LRGUK: variants seen among roughly 807,000 people sequenced by gnomAD.
LRGUK encodes the protein leucine rich repeats and guanylate kinase domain containing, also known as leucine-rich repeat and guanylate kinase domain-containing protein.
Under a neutral mutation model 76.0 loss-of-function variants are expected in LRGUK, and 65 were observed. That is an observed-to-expected ratio of 0.85 (90% CI 0.70 to 1.05). The LOEUF (loss-of-function observed/expected upper bound fraction) is 1.05, where lower values mean the gene tolerates loss of function less well. Among genes scored for constraint, LRGUK ranks in the 50% least tolerant of loss-of-function variants. The probability of loss-of-function intolerance (pLI) is 0.00; values close to 1 mark genes in which losing one functional copy is unlikely to be tolerated. For missense variants in LRGUK, 758 were observed against 732.8 expected (o/e 1.03, Z -0.40); for synonymous variants, 268 against 265.6 (o/e 1.01, Z -0.09).
In LRGUK at chr7:134,260,595, G is replaced by C. The variant is rs1350150158; in HGVS notation, c.2347+2190G>C. ...CTTTCCTGGGTATGCATTTTCCCTG[G>C]GCTTGTGTGTGTGCTTTTTTCCCAG... On this transcript the variant is annotated intron_variant, in intron 19 of 19. Transcript: ENST00000285928. Among the ~76,000 whole-genome samples the C allele has an allele frequency of 2.0e-5, 3 of 152,104 alleles. No homozygotes were observed. The East Asian group carries it at 5.8e-4, about 29-fold the overall frequency.
intron 2 of LRGUK, among the ~76,000 whole-genome samples, chr7:134,138,379 T>C (rs1797620968): frequency 6.6e-6 from 1 of 152,230 alleles, no homozygotes; most frequent in South Asian, 2.1e-4. Context: ...GAATACACTT[T>C]CTTAGAGTTG....
exon 6 of LRGUK, chr7:134,158,070 T>A (rs948446388): frequency 8.7e-6 from 14 of 1,613,112 alleles, no homozygotes; most frequent in Non-Finnish European, 1.1e-5. Context: ...ACTAGAGATG[T>A]GCAACAACCT....
chr7:134,184,876 G>C (rs529721072), intron 11 of LRGUK, among the ~76,000 whole-genome samples: 2 of 152,314 alleles, frequency 1.3e-5, no homozygotes, highest in African/African-American at 4.8e-5. Flanking sequence ...GTGAAGGCAG[G>C]CTTCTCCTGT....
intron 7 of LRGUK, among the ~76,000 whole-genome samples, chr7:134,169,218 G>A (rs1214319802): frequency 1.2e-4 from 18 of 149,846 alleles, no homozygotes; most frequent in Admixed American, 1.2e-3. Context: ...GAAGACCCAG[G>A]TGAAGATGGG....
In LRGUK at chr7:134,221,925, G is replaced by A. The variant is rs1446087941; in HGVS notation, c.1983+7G>A. 1 of 1,586,838 alleles carries A rather than the reference G, an allele frequency of 6.3e-7. No individual in the cohort carries two copies. Among genetic ancestry groups the A allele is most frequent in the Admixed American group, 1.8e-5 (1 of 54,402 alleles). On this transcript the variant is annotated splice_region_variant and intron_variant, in intron 16 of 19. Transcript: ENST00000285928. ...AGCCAAAAAAACACCAGCGGTAAGA[G>A]AGGAATAGAAGGGGTGAAGCCACAA...
chr7:134,138,018 G>A (rs1797606444), intron 2 of LRGUK, among the ~76,000 whole-genome samples: 1 of 152,156 alleles, frequency 6.6e-6, no homozygotes, highest in African/African-American at 2.4e-5. Context: ...GTCCTTCAAG[G>A]TCAGCATATT....
intron 11 of LRGUK, among the ~76,000 whole-genome samples, chr7:134,186,261 T>C (rs1252820061): frequency 6.6e-6 from 1 of 152,214 alleles, no homozygotes; most frequent in Admixed American, 6.5e-5. Flanking sequence ...TTGGAGCCAA[T>C]CTGCCCTTAC....
At chr7:134,154,476 C>T (rs1433269671) in intron 5 of LRGUK, among the ~76,000 whole-genome samples, 1 of 152,078 alleles carries the variant, frequency 6.6e-6, no homozygotes, top group Non-Finnish European at 1.5e-5. Context: ...GCCACCAGGC[C>T]CACATGAGGT....
intron 5 of LRGUK, among the ~76,000 whole-genome samples, chr7:134,157,382 C>T (rs1309147299): frequency 6.6e-6 from 1 of 152,202 alleles, no homozygotes; most frequent in Non-Finnish European, 1.5e-5. Context: ...GTCAGAAGTT[C>T]TGCCTGTGGG....
chr7:134,134,017 A>G (rs987850590), intron 1 of LRGUK, among the ~76,000 whole-genome samples: 4 of 151,964 alleles, frequency 2.6e-5, no homozygotes, highest in African/African-American at 9.7e-5. Context: ...AACTGAGATC[A>G]CAACACTACA....
chr7:134,242,857 G>A (rs1200712904), intron 16 of LRGUK, among the ~76,000 whole-genome samples: 1 of 152,080 alleles, frequency 6.6e-6, no homozygotes, highest in African/African-American at 2.4e-5. Flanking sequence ...TATCCACCAC[G>A]ATCAAGTTGG....
chr7:134,193,084 C>A (rs1800326854), intron 12 of LRGUK, among the ~76,000 whole-genome samples: 1 of 152,194 alleles, frequency 6.6e-6, no homozygotes. Flanking sequence ...TGCCTGTTTT[C>A]TGGACTTCTC....
At chr7:134,247,235 G>A (rs1802326380) in intron 16 of LRGUK, among the ~76,000 whole-genome samples, 1 of 152,088 alleles carries the variant, frequency 6.6e-6, no homozygotes, top group Non-Finnish European at 1.5e-5. Flanking sequence ...ATAATAGTCT[G>A]TACCTTTGAG....
chr7:134,274,114 C>T, the LRGUK span, among the ~76,000 whole-genome samples: 1 of 152,184 alleles, frequency 6.6e-6, no homozygotes, highest in Admixed American at 6.5e-5. Context: ...ATGGTGGCCA[C>T]CAGCTCCGTG....
At chr7:134,213,324 T>C (rs552161489), downstream of LRGUK, among the ~76,000 whole-genome samples, 2 of 152,158 alleles carry the variant, frequency 1.3e-5, no homozygotes, top group East Asian at 3.9e-4. Flanking sequence ...GCAGGGAAGT[T>C]ATTGCTGTAG....
chr7:134,251,568 A>T (rs1258776815), intron 18 of LRGUK, among the ~76,000 whole-genome samples: 2 of 151,936 alleles, frequency 1.3e-5, no homozygotes, highest in Non-Finnish European at 2.9e-5. Flanking sequence ...ATCCAGTGAA[A>T]TTTTTCTTTT....
intron 16 of LRGUK, among the ~76,000 whole-genome samples, chr7:134,222,358 C>T (rs1801622706): frequency 6.6e-6 from 1 of 152,196 alleles, no homozygotes; most frequent in Admixed American, 6.5e-5. Context: ...ATCACTTAGT[C>T]CCAACTTATT....
chr7:134,226,313 A>G (rs1801761367), intron 16 of LRGUK, among the ~76,000 whole-genome samples: 2 of 151,122 alleles, frequency 1.3e-5, no homozygotes, highest in South Asian at 2.1e-4. Context: ...TATGTTAAAG[A>G]TTGCATTCTT....
chr7:134,183,992 A>G, intron 11 of LRGUK, 139 bp downstream of exon 11: 1 of 1,146,412 alleles, frequency 8.7e-7, no homozygotes, highest in East Asian at 2.5e-5. Flanking sequence ...AAAACAACTT[A>G]ATATTTAAGT....
Sources: allele counts gnomAD v4.1 joint callset (sites outside exome capture counted in the v4.1 genomes callset), GRCh38; gene constraint gnomAD v4.1.1; transcripts MANE v1.5; gene names NCBI Gene and HGNC (gene_info 2026-07-23, HGNC 2026-07-21).